Variants in FAT4 observed in about 807,000 individuals in gnomAD.
The protein encoded by FAT4 is protocadherin Fat 4.
In FAT4, 84 loss-of-function variants were observed where a neutral mutation model predicts 303.9. The ratio of observed to expected loss-of-function variants is 0.28; its 90% CI spans 0.23 to 0.33. The LOEUF is 0.33. Ranked by LOEUF, FAT4 falls within the 10% of genes least tolerant of loss-of-function variation. The pLI is 1.00. For missense variants in FAT4, 6,005 were observed against 6,146.8 expected, an observed-to-expected ratio of 0.98 and a Z score of 0.77; for synonymous variants, 2,307 against 2,298.8, an observed-to-expected ratio of 1.00 and a Z score of -0.10.
rs1263081787 is a variant in FAT4 at position 125,407,034 on chromosome 4, A to G, written c.5462A>G (p.Gln1821Arg). The G allele has an allele frequency of 6.2e-7, 1 of 1,613,758 alleles. No homozygotes were observed. The highest frequency in any genetic ancestry group is 8.5e-7 in the Non-Finnish European group (1 of 1,179,870). Residue 1821 changes from glutamine to arginine, a missense_variant, in exon 4 of 18, where the codon CAG (glutamine) becomes CGG (arginine). Transcript: ENST00000394329. Reference protein sequence around the residue: ...SLLVRADDGLQSSDMRINITV... With the variant: ...SLLVRADDGLRSSDMRINITV... ...CTAGTTCGTGCTGATGATGGTCTTC[A>G]GTCCTCGGATATGAGAATTAATATC...
rs1388918008 is a variant in FAT4, at chr4:125,321,486, C to G, written c.5075C>G (p.Thr1692Ser). 1 of 1,614,000 alleles carries G rather than the reference C, an allele frequency of 6.2e-7. No individual in the cohort carries two copies. Among genetic ancestry groups the G allele is most frequent in the Non-Finnish European group, 8.5e-7 (1 of 1,180,000 alleles). The change falls in exon 2 of 18, where the codon ACC becomes AGC. Residue 1692 changes from threonine to serine, a missense_variant. Physicochemically the swap from Thr to Ser is moderately conservative, Grantham distance 58. Coordinates refer to ENST00000394329, the MANE Select transcript of FAT4 (RefSeq NM_001291303.3). ...GGACGACATACTGGTATAATTCAGA[C>G]CGCAGCCATTCTGGACCGGGAGCAA... ...TIGRHTGIIQ[T>S]AAILDREQGA...
rs539908662 is a variant in FAT4 at position 125,434,090 on chromosome 4, A to C, written c.7019-155A>C. On this transcript the variant is annotated intron_variant, in intron 7 of 17. Transcript: ENST00000394329. Reference sequence around the variant, plus strand: ...TCACAAATGAAAACATTTGTCTTGTAACAAAATTAAAAATCACTCAATCAC... The same window carrying C: ...TCACAAATGAAAACATTTGTCTTGTCACAAAATTAAAAATCACTCAATCAC... 4.6e-5 allele frequency among the ~76,000 whole-genome samples: 7 copies of C among 152,358 alleles called. No homozygotes were observed. The East Asian group carries it at 1.3e-3, about 29-fold the overall frequency.
Position 125,451,670 on chromosome 4 carries a change from G to A in FAT4, c.10660G>A (p.Gly3554Ser). The A allele has an allele frequency of 6.2e-7, 1 of 1,613,980 alleles. No individual in the cohort carries two copies. Reference sequence around the variant, plus strand: ...CTTTACTTATTACTTGCTGAGCACAGGTCCTGCCACCAGTTATTTCAGTCT... The same window carrying A: ...CTTTACTTATTACTTGCTGAGCACAAGTCCTGCCACCAGTTATTTCAGTCT... ...GPFTYYLLSTGPATSYFSLST... is the reference protein window; with the variant it reads ...GPFTYYLLSTSPATSYFSLST... The change falls in exon 10 of 18, where the codon GGT (glycine) becomes AGT (serine). Residue 3554 changes from glycine to serine, a missense_variant. By Grantham distance (56) the Gly-to-Ser change is moderately conservative. Transcript: ENST00000394329.
At chr4:125,336,353 A>C (rs1441400913) in intron 2 of FAT4, among the ~76,000 whole-genome samples, 1 of 152,050 alleles carries the variant, frequency 6.6e-6, no homozygotes, top group Non-Finnish European at 1.5e-5. Flanking sequence ...TTTAAATTTT[A>C]ATATAATGCA....
rs7675556 is a variant in FAT4, at chr4:125,416,400, A to G, written c.6844-48A>G. 1,448,322 of 1,451,948 alleles carry G rather than the reference A, an allele frequency of 1. 722,385 individuals are homozygous for G. The highest frequency in any genetic ancestry group is 1 in the East Asian group (42,062 of 42,070). The allele number at this position is 1,451,948 out of a possible 1,614,324, so 89.9% of individuals were successfully genotyped here. ...TTTAATGGAGGCATTTTATTTCATG[A>G]GATGCATTGTTTGTTTTACTCACAT... On this transcript the variant is annotated intron_variant, in intron 6 of 17. Coordinates refer to ENST00000394329, the MANE Select transcript of FAT4 (RefSeq NM_001291303.3).
At chr4:125,401,620 A>G (rs187725804) in intron 3 of FAT4, among the ~76,000 whole-genome samples, 30 of 152,130 alleles carry the variant, frequency 2.0e-4, no homozygotes, top group Non-Finnish European at 3.5e-4. Context: ...GGGTAAAGGA[A>G]TTACAATTTT....
At position 125,315,687 on chromosome 4, in the gene FAT4, G is replaced by A. The variant is rs1360484369; in HGVS notation, c.-303G>A. On this transcript the variant is annotated 5_prime_UTR_variant, in exon 1 of 18. Coordinates refer to ENST00000394329, the MANE Select transcript of FAT4 (RefSeq NM_001291303.3). ...GGCGGCGGCTGCAGGAGGGGAAGGG[G>A]CAGAGTTGAGCGCTCCCGGGTACGG... is the stretch of plus-strand genomic sequence containing the variant. Among the ~76,000 whole-genome samples the A allele has an allele frequency of 6.6e-6, 1 of 152,178 alleles. No individual in the cohort carries two copies. Among genetic ancestry groups the A allele is most frequent in the Non-Finnish European group, 1.5e-5 (1 of 68,032 alleles).
At chr4:125,389,598 T>C (rs1421995170) in intron 2 of FAT4, among the ~76,000 whole-genome samples, 1 of 152,172 alleles carries the variant, frequency 6.6e-6, no homozygotes, top group Non-Finnish European at 1.5e-5. Flanking sequence ...AGTGGTCCTA[T>C]TAGTTTTCCT....
At position 125,321,204 on chromosome 4, in the gene FAT4, A is replaced by G; in HGVS notation, c.4793A>G (p.Asn1598Ser). The G allele has an allele frequency of 6.2e-7, 1 of 1,614,104 alleles. No individual in the cohort carries two copies. The change falls in exon 2 of 18, where the codon AAT becomes AGT. Residue 1598 changes from asparagine to serine, a missense_variant. Transcript: ENST00000394329. The stretch of plus-strand genomic sequence containing the variant: ...TTGGTGCCTTCACAGTTGATCTACA[A>G]TCTCATAGTTTCAGCAACAGACCTT... ...SALVPSQLIY[N>S]LIVSATDLGP... is the part of the protein sequence containing the mutation.
chr4:125,489,847 C>CTTTATT, intron 17 of FAT4, 54 bp from the exon 18 acceptor site: 2 of 445,942 alleles, frequency 4.5e-6, no homozygotes, highest in Non-Finnish European at 6.6e-6. Flanking sequence ...AGTATAAGCT[C>CTTTATT]TTTTTTTTTT....
Position 125,415,025 on chromosome 4 carries a change from A to C in FAT4, c.6062A>C (p.His2021Pro). The change falls in exon 6 of 18, where the codon CAT becomes CCT. Residue 2021 changes from histidine (H) to proline (P), a missense_variant. Transcript: ENST00000394329. ...QSFYNLVVQV[H>P]DLPQIPASRF... is the part of the protein sequence containing the mutation. ...TTCTACAACTTGGTTGTTCAAGTGC[A>C]TGACCTGCCACAGATTCCAGCCTCC... The C allele has an allele frequency of 6.2e-7, 1 of 1,614,102 alleles. No homozygotes were observed. Among genetic ancestry groups the C allele is most frequent in the Non-Finnish European group, 8.5e-7 (1 of 1,179,986 alleles).
At chr4:125,368,305 A>T (rs1371275668) in intron 2 of FAT4, among the ~76,000 whole-genome samples, 2 of 151,908 alleles carry the variant, frequency 1.3e-5, no homozygotes, top group African/African-American at 4.8e-5. Context: ...TTTTAATCTG[A>T]CTCACTGGAG....
intron 7 of FAT4, among the ~76,000 whole-genome samples, chr4:125,426,348 C>T (rs1017348687): frequency 2.6e-5 from 4 of 151,956 alleles, no homozygotes; most frequent in African/African-American, 9.7e-5. Flanking sequence ...TAAATCAAAT[C>T]ATGCTAGAGT....
chr4:125,403,766 GA>G (rs1458080046), intron 3 of FAT4, among the ~76,000 whole-genome samples: 17 of 152,038 alleles, frequency 1.1e-4, no homozygotes, highest in African/African-American at 4.1e-4. Flanking sequence ...AAAGTAACTT[GA>G]AATTTAAAAA....
At chr4:125,405,129 G>T (rs963058555) in intron 3 of FAT4, among the ~76,000 whole-genome samples, 10 of 151,954 alleles carry the variant, frequency 6.6e-5, no homozygotes, top group African/African-American at 2.4e-4. Context: ...GAAATGTTTG[G>T]ATTTTGGGGC....
intron 16 of FAT4, among the ~76,000 whole-genome samples, chr4:125,484,596 C>T (rs897218984): frequency 3.9e-5 from 6 of 152,012 alleles, no homozygotes; most frequent in African/African-American, 7.2e-5. Flanking sequence ...GAATGCATTT[C>T]GATAAATGCA....
intron 3 of FAT4, among the ~76,000 whole-genome samples, chr4:125,401,271 A>T (rs1414267494): frequency 6.6e-6 from 1 of 152,048 alleles, no homozygotes; most frequent in Non-Finnish European, 1.5e-5. Flanking sequence ...TATGGCATTT[A>T]GAATTTTGGG....
chr4:125,456,926 C>T (rs557243472), intron 10 of FAT4, among the ~76,000 whole-genome samples: 4 of 152,242 alleles, frequency 2.6e-5, no homozygotes, highest in Admixed American at 6.5e-5. Context: ...TTCACTTCTT[C>T]AAGGTCTGTA....
chr4:125,471,239 A>G (rs1036055571), intron 12 of FAT4, among the ~76,000 whole-genome samples: 4 of 152,238 alleles, frequency 2.6e-5, no homozygotes, highest in Non-Finnish European at 5.9e-5. Context: ...ACCATACCAC[A>G]TAAAATAATA....
Sources: gnomAD v4.1 joint callset for allele counts (sites outside exome capture counted in the v4.1 genomes callset) on GRCh38, gnomAD v4.1.1 for gene constraint, MANE v1.5 for transcripts, NCBI Gene and HGNC (gene_info 2026-07-23, HGNC 2026-07-21) for gene names.